PARVB: variants seen among roughly 807,000 people sequenced by gnomAD.
PARVB encodes the protein parvin beta.
In PARVB, 46 loss-of-function variants were observed where a neutral mutation model predicts 47.0. The observed-to-expected ratio is 0.98, with a 90% CI of 0.77 to 1.25. PARVB has a LOEUF of 1.25. PARVB is among the 50% of genes most tolerant of loss of function. The pLI is 0.00. For synonymous variants in PARVB, 196 were observed against 196.3 expected (o/e 1.00, Z 0.01); for missense variants, 473 against 471.6 (o/e 1.00, Z -0.03).
intron 1 of PARVB, among the ~76,000 whole-genome samples, chr22:44,035,742 G>A (rs891387308): frequency 6.6e-6 from 1 of 151,720 alleles, no homozygotes; most frequent in African/African-American, 2.4e-5. Flanking sequence ...GTTATTCAGG[G>A]TTTACGGTAT....
chr22:44,133,135 T>TG, intron 6 of PARVB, 126 bp downstream of exon 6: 1 of 575,718 alleles, frequency 1.7e-6, no homozygotes, highest in Non-Finnish European at 3.0e-6. Flanking sequence ...TTTTCCCTTT[T>TG]GACAAAATGT....
chr22:44,120,371 C>CCGT (rs1362804673), intron 4 of PARVB, among the ~76,000 whole-genome samples: 2 of 152,230 alleles, frequency 1.3e-5, no homozygotes, highest in Admixed American at 6.5e-5. Context: ...TTCCCTCTCT[C>CCGT]CGTTCTGTTC....
At chr22:44,151,283 A>G in intron 9 of PARVB, 200 bp from the exon 10 acceptor site, 1 of 547,094 alleles carries the variant, frequency 1.8e-6, no homozygotes, top group South Asian at 2.0e-5. Flanking sequence ...TGTAGCCAGG[A>G]TAGATGTGGG....
chr22:44,041,251 G>A (rs2051014239), intron 1 of PARVB, among the ~76,000 whole-genome samples: 1 of 152,244 alleles, frequency 6.6e-6, no homozygotes, highest in South Asian at 2.1e-4. Context: ...CAGCACTTTG[G>A]GAGGCCGAGG....
chr22:44,027,474 C>T (rs997999083), intron 1 of PARVB, among the ~76,000 whole-genome samples: 2 of 152,224 alleles, frequency 1.3e-5, no homozygotes, highest in African/African-American at 4.8e-5. Context: ...CGCCACTGCC[C>T]AGTGGCCAGG....
At chr22:44,080,327 T>G (rs1249062464) in intron 1 of PARVB, among the ~76,000 whole-genome samples, 3 of 152,188 alleles carry the variant, frequency 2.0e-5, no homozygotes, top group Non-Finnish European at 2.9e-5. Context: ...AGTCCCAACA[T>G]CAAGGTGGCA....
intron 1 of PARVB, among the ~76,000 whole-genome samples, chr22:44,025,550 G>T (rs375102723): frequency 6.6e-6 from 1 of 152,262 alleles, no homozygotes; most frequent in South Asian, 2.1e-4. Flanking sequence ...CCAGGGATGC[G>T]TGTCTTCCCA....
intron 1 of PARVB, among the ~76,000 whole-genome samples, chr22:44,090,995 G>A (rs2052153241): frequency 6.6e-6 from 1 of 152,224 alleles, no homozygotes; most frequent in South Asian, 2.1e-4. Flanking sequence ...TTTGGTCCCT[G>A]TTTTCTCAGC....
chr22:44,032,824 A>G (rs1475595072), intron 1 of PARVB, among the ~76,000 whole-genome samples: 1 of 152,094 alleles, frequency 6.6e-6, no homozygotes, highest in African/African-American at 2.4e-5. Flanking sequence ...CTTAGGGAAA[A>G]AGAATGCTGG....
At position 44,051,543 on chromosome 22, in the gene PARVB, C is replaced by T. The variant is rs1573670; in HGVS notation, c.112+27092C>T. ...AGCAGGAAAAGGAAGGAGATAACCA[C>T]CCCAACCTTTCTTGCTGGAAGGAGC... is the stretch of plus-strand genomic sequence containing the variant. On this transcript the variant is annotated intron_variant, in intron 1 of 12. Transcript: ENST00000338758. Among the ~76,000 whole-genome samples, 24 of 152,286 alleles carry T rather than the reference C, an allele frequency of 1.6e-4. 1 individual carries two copies. The highest frequency in any genetic ancestry group is 6.8e-3 in the Middle Eastern group (2 of 294).
intron 2 of PARVB, among the ~76,000 whole-genome samples, chr22:44,001,991 C>T (rs867519733): frequency 3.4e-4 from 37 of 109,742 alleles, no homozygotes; most frequent in African/African-American, 6.0e-4. Flanking sequence ...CATTCATGAG[C>T]GAAACTGGCA....
chr22:44,042,396 G>C (rs937470297), intron 1 of PARVB, among the ~76,000 whole-genome samples: 1 of 152,236 alleles, frequency 6.6e-6, no homozygotes, highest in Admixed American at 6.5e-5. Context: ...ACTCCAGCCT[G>C]GGTGACAGAG....
chr22:44,025,842 C>T (rs1408057617), intron 1 of PARVB, among the ~76,000 whole-genome samples: 2 of 152,220 alleles, frequency 1.3e-5, no homozygotes, highest in Non-Finnish European at 2.9e-5. Flanking sequence ...CCCAATTCAG[C>T]CCACAGCCTG....
chr22:44,016,313 G>C (rs571413477), intron 2 of PARVB, among the ~76,000 whole-genome samples: 1 of 151,872 alleles, frequency 6.6e-6, no homozygotes, highest in African/African-American at 2.4e-5. Flanking sequence ...AGCCAGGATG[G>C]TCTCGATCTC....
intron 1 of PARVB, among the ~76,000 whole-genome samples, chr22:44,092,783 G>T (rs1313509222): frequency 6.6e-6 from 1 of 152,246 alleles, no homozygotes; most frequent in East Asian, 1.9e-4. Flanking sequence ...GTGGGGCCCT[G>T]TTGGCCTGCT....
At chr22:44,046,442 G>A (rs143346691) in intron 1 of PARVB, among the ~76,000 whole-genome samples, 1 of 152,370 alleles carries the variant, frequency 6.6e-6, no homozygotes, top group Non-Finnish European at 1.5e-5. Flanking sequence ...AGTGGGGGAT[G>A]CATCTCTGCT....
chr22:44,106,542 C>T (rs367786499), intron 3 of PARVB: 1 of 152,118 alleles, frequency 6.6e-6, no homozygotes, highest in Non-Finnish European at 1.5e-5. Flanking sequence ...ATCTGGCTGA[C>T]ATCCTGATCC....
intron 10 of PARVB, among the ~76,000 whole-genome samples, chr22:44,157,259 T>TCA (rs2053955476): frequency 6.6e-6 from 1 of 152,168 alleles, no homozygotes; most frequent in African/African-American, 2.4e-5. Context: ...CAGCAGCTGA[T>TCA]GCTGATGGAG....
chr22:44,138,554 GGAACATTT>G (rs1405567603), intron 7 of PARVB, among the ~76,000 whole-genome samples: 1 of 152,150 alleles, frequency 6.6e-6, no homozygotes, highest in Admixed American at 6.5e-5. Context: ...AGGCTCTGAC[GGAACATTT>G]GAATCATTGG....
Sources: gnomAD v4.1 joint callset for allele counts (sites outside exome capture counted in the v4.1 genomes callset) on GRCh38, gnomAD v4.1.1 for gene constraint, MANE v1.5 for transcripts, NCBI Gene and HGNC (gene_info 2026-07-23, HGNC 2026-07-21) for gene names.